FAAP20: variants seen among roughly 807,000 people sequenced by gnomAD.
FAAP20 encodes the protein FA core complex associated protein 20.
In FAAP20, 12 loss-of-function variants were observed where a neutral mutation model predicts 16.2. That is an observed-to-expected ratio of 0.74 (90% CI 0.48 to 1.20). The LOEUF (loss-of-function observed/expected upper bound fraction) is 1.20. FAAP20 is among the 50% of genes most tolerant of loss of function. The pLI is 0.00. For synonymous variants in FAAP20, 141 were observed against 110.7 expected (o/e 1.27, Z -1.72); for missense variants, 288 against 245.8 (o/e 1.17, Z -1.15).
chr1:2,188,207 G>T (rs1006395615), downstream of FAAP20, among the ~76,000 whole-genome samples: 2 of 152,238 alleles, frequency 1.3e-5, no homozygotes, highest in Non-Finnish European at 2.9e-5. Context: ...CTGAACAGCA[G>T]TGGACAGGAA....
At chr1:2,192,755 A>G in intron 3 of FAAP20, 1 of 1,102,908 alleles carries the variant, frequency 9.1e-7, no homozygotes, top group Non-Finnish European at 1.2e-6. Context: ...CTAGGACCAC[A>G]GGCACGCGCC....
At chr1:2,184,819 C>T, downstream of FAAP20, 1 of 1,376,256 alleles carries the variant, frequency 7.3e-7, no homozygotes, top group East Asian at 2.4e-5. Flanking sequence ...TGTCATCTCT[C>T]CAGTGGGCGT....
At chr1:2,208,229 C>T (rs1480376848), downstream of FAAP20, among the ~76,000 whole-genome samples, 1 of 152,084 alleles carries the variant, frequency 6.6e-6, no homozygotes, top group Non-Finnish European at 1.5e-5. Flanking sequence ...GGGGCCTTGG[C>T]TGCACACAGA....
chr1:2,189,880 G>T, intron 3 of FAAP20, 99 bp from the exon 4 acceptor site: 1 of 949,422 alleles, frequency 1.1e-6, no homozygotes, highest in South Asian at 1.3e-5. Context: ...CCTGCCGCTG[G>T]AGAGGATCCG....
intron 1 of FAAP20, among the ~76,000 whole-genome samples, chr1:2,206,844 A>G (rs1056074683): frequency 1.3e-5 from 2 of 151,372 alleles, no homozygotes; most frequent in African/African-American, 2.4e-5. Context: ...AAAAAAAAAA[A>G]AAAAGGCTCT....
At chr1:2,211,633 T>TTTTAACAAAATATTTTAATATAACAC (rs1689450065), downstream of FAAP20, among the ~76,000 whole-genome samples, 1 of 149,740 alleles carries the variant, frequency 6.7e-6, no homozygotes, top group Non-Finnish European at 1.5e-5. Context: ...ATATTTTTAG[T>TTTTAACAAAATATTTTAATATAACAC]AGTGACGGGG....
chr1:2,190,513 C>T (rs1182271238), intron 3 of FAAP20: 1 of 427,298 alleles, frequency 2.3e-6, no homozygotes, highest in Non-Finnish European at 4.8e-6. Flanking sequence ...ATCAGCCCAA[C>T]TGGAGCGGCT....
chr1:2,194,304 C>A, intron 1 of FAAP20, 171 bp from the exon 2 acceptor site: 1 of 188,886 alleles, frequency 5.3e-6, no homozygotes, highest in South Asian at 6.1e-5. Context: ...CTGGGGCAGA[C>A]AGTGCGGAGA....
chr1:2,209,205 G>T (rs1029875970), downstream of FAAP20, among the ~76,000 whole-genome samples: 1 of 151,900 alleles, frequency 6.6e-6, no homozygotes, highest in Admixed American at 6.6e-5. Context: ...CAGGGACCAA[G>T]CACCGTCCTG....
At position 2,193,793 on chromosome 1, in the gene FAAP20, C is replaced by T. The variant is rs1312322950; in HGVS notation, c.316G>A (p.Gly106Arg). ...GPGRSYRLLHGAGGHLESPAR... is the reference protein window; with the variant it reads ...GPGRSYRLLHRAGGHLESPAR... ...GGGGATTCCAGGTGCCCTCCTGCCC[C>T]GTGAAGCAGCCGGTAGGAACGGCCC... is the stretch of plus-strand genomic sequence containing the variant. Residue 106 changes from glycine to arginine, a missense_variant, in exon 3 of 4, where the codon GGG becomes AGG. Coordinates refer to ENST00000378546, the MANE Select transcript of FAAP20 (RefSeq NM_182533.4). 7 of 1,603,340 alleles carry T rather than the reference C, an allele frequency of 4.4e-6. No individual in the cohort carries two copies. Among genetic ancestry groups the T allele is most frequent in the Admixed American group, 1.8e-5 (1 of 56,132 alleles).
Position 2,189,758 on chromosome 1 carries a change from C to CT in FAAP20, c.493dup (p.Ser165LysfsTer?). 1 of 1,612,522 alleles carries CT rather than the reference C, an allele frequency of 6.2e-7. No homozygotes were observed. Among genetic ancestry groups the CT allele is most frequent in the Non-Finnish European group, 8.5e-7 (1 of 1,179,510 alleles). ...TTCGGCCAAGCACTGGGCCAGGTGG[C>CT]TGTCAACATCCAGCTGGGTCAGCCT... On this transcript the variant is annotated frameshift_variant, in exon 4 of 4. Transcript: ENST00000378546. LOFTEE classifies it high-confidence loss of function.
rs868652359 is a variant in FAAP20 at position 2,191,720 on chromosome 1, G to A, written c.470+1919C>T. On this transcript the variant is annotated intron_variant, in intron 3 of 3. Coordinates refer to ENST00000378546, the MANE Select transcript of FAAP20 (RefSeq NM_182533.4). ...CATGCCACTGCACTCCAGCCTGGGCGACAGAGCGAGACACCGTCTCAAAAA... is the reference window on the plus strand; with the variant it reads ...CATGCCACTGCACTCCAGCCTGGGCAACAGAGCGAGACACCGTCTCAAAAA... 79 of 562,138 alleles carry A rather than the reference G, an allele frequency of 1.4e-4. No homozygotes were observed. The Middle Eastern group carries it at 3.6e-3, about 26-fold the overall frequency. 34.8% of individuals were successfully genotyped at this position (562,138 alleles called of 1,614,324 possible). A position where few individuals can be genotyped will look rare whatever the true frequency, so the allele number is the denominator to read the frequency against.
chr1:2,185,464 G>A (rs1266755017), downstream of FAAP20: 3 of 718,568 alleles, frequency 4.2e-6, no homozygotes, highest in Non-Finnish European at 7.8e-6. Context: ...ACACGTAGGG[G>A]GGCAGCTTAG....
chr1:2,207,806 C>G (rs1025019223), downstream of FAAP20: 1 of 152,390 alleles, frequency 6.6e-6, no homozygotes, highest in Admixed American at 6.5e-5. Context: ...CGGCCCTCCC[C>G]CAGCCTGCTG....
chr1:2,196,469 G>A (rs966308774), upstream of FAAP20, among the ~76,000 whole-genome samples: 2 of 151,080 alleles, frequency 1.3e-5, no homozygotes, highest in African/African-American at 4.9e-5. This position sits in a 1 kb window ranked among gnomAD's most constrained non-coding sequence, Gnocchi z 4.5. Context: ...AAGGTGGGAG[G>A]ATCACCTGAG....
chr1:2,203,307 G>A (rs778882980), upstream of FAAP20: 157 of 634,894 alleles, frequency 2.5e-4, no homozygotes, highest in Non-Finnish European at 2.8e-4. Flanking sequence ...CCCTTCTGCC[G>A]CCTTCTTCCC....
chr1:2,194,603 A>T, intron 1 of FAAP20, 85 bp downstream of exon 1: 1 of 698,812 alleles, frequency 1.4e-6, no homozygotes, highest in Non-Finnish European at 1.9e-6. Context: ...CCAGGGGGAG[A>T]ATAGAGCGGG....
At chr1:2,203,813 G>A (rs910037578), upstream of FAAP20, 8 of 217,536 alleles carry the variant, frequency 3.7e-5, no homozygotes, top group African/African-American at 1.2e-4. Context: ...AGGTGCTGTC[G>A]CGTGGCCCCA....
chr1:2,187,493 G>A (rs188055756), downstream of FAAP20, among the ~76,000 whole-genome samples: 1 of 151,560 alleles, frequency 6.6e-6, no homozygotes, highest in East Asian at 2.0e-4. Flanking sequence ...TAGTAGAGAC[G>A]GGGTTTCACC....
Sources: allele counts gnomAD v4.1 joint callset (sites outside exome capture counted in the v4.1 genomes callset), GRCh38; gene constraint gnomAD v4.1.1; non-coding constraint Gnocchi (gnomAD v3.1); transcripts MANE v1.5; gene names NCBI Gene and HGNC (gene_info 2026-07-23, HGNC 2026-07-21).